CAMSAP1: variants seen among roughly 807,000 people sequenced by gnomAD.
CAMSAP1 encodes calmodulin-regulated spectrin-associated protein 1.
CAMSAP1 carries 58 observed loss-of-function variants against 143.5 expected under a neutral mutation model. The ratio of observed to expected loss-of-function variants is 0.40; its 90% confidence interval spans 0.33 to 0.50. CAMSAP1 has a LOEUF of 0.50. CAMSAP1 is among the 20% of genes least tolerant of loss of function. The pLI, the probability that CAMSAP1 is intolerant of heterozygous loss-of-function variation, is 0.45. For synonymous variants in CAMSAP1, 945 were observed against 859.3 expected, an observed-to-expected ratio of 1.10 and a Z score of -1.74; for missense variants, 1,969 against 2,115.7, an observed-to-expected ratio of 0.93 and a Z score of 1.36.
intron 3 of CAMSAP1, among the ~76,000 whole-genome samples, chr9:135,867,578 A>C (rs1025965657): frequency 6.2e-4 from 95 of 152,150 alleles, no homozygotes; most frequent in African/African-American, 2.2e-3. Flanking sequence ...GGAAAGTCGA[A>C]GCCACTAAAA....
chr9:135,817,797 G>A, intron 14 of CAMSAP1, 180 bp downstream of exon 14: 1 of 595,198 alleles, frequency 1.7e-6, no homozygotes, highest in Non-Finnish European at 3.0e-6. Flanking sequence ...AACCAGCTGG[G>A]GAGCCCGTGT....
At chr9:135,895,071 C>T (rs1323024956) in intron 1 of CAMSAP1, among the ~76,000 whole-genome samples, 1 of 152,140 alleles carries the variant, frequency 6.6e-6, no homozygotes, top group East Asian at 1.9e-4. Context: ...CAGGCAGAAA[C>T]TGCAATGGAG....
At chr9:135,835,716 C>A (rs1199041065) in intron 7 of CAMSAP1, among the ~76,000 whole-genome samples, 1 of 152,240 alleles carries the variant, frequency 6.6e-6, no homozygotes, top group African/African-American at 2.4e-5. Flanking sequence ...CGGTGGCTCA[C>A]GCCTGTAAGC....
At chr9:135,859,593 C>T (rs934099884) in intron 5 of CAMSAP1, among the ~76,000 whole-genome samples, 9 of 152,052 alleles carry the variant, frequency 5.9e-5, no homozygotes, top group Non-Finnish European at 1.2e-4. Flanking sequence ...GGGGTTTCAC[C>T]ATGTTAGCCA....
chr9:135,822,852 C>T lies in CAMSAP1; in HGVS notation c.1809G>A (p.Ala603=), dbSNP rs1353335145. Residue 603 remains alanine (A), a synonymous_variant, in exon 11 of 17, where the codon GCG becomes GCA. Coordinates refer to ENST00000389532, the MANE Select transcript of CAMSAP1 (RefSeq NM_015447.4). This position sits in a 1 kb window ranked among gnomAD's most constrained non-coding sequence, Gnocchi z 6.1. ...CCTTGGTGATCACCTGCTTCTCTTT[C>T]GCTGGCTTAAGAACTGCTGGCATCA... is the stretch of plus-strand genomic sequence containing the variant. ...EPLMPAVLKP[A]KEKQVITKED... is the part of the protein sequence containing the mutation. 8 of 1,613,824 alleles carry T rather than the reference C, an allele frequency of 5.0e-6. No homozygotes were observed. The highest frequency in any genetic ancestry group is 2.2e-5 in the East Asian group (1 of 44,896).
At chr9:135,871,095 G>A (rs1260222866) in intron 3 of CAMSAP1, among the ~76,000 whole-genome samples, 1 of 152,208 alleles carries the variant, frequency 6.6e-6, no homozygotes, top group Non-Finnish European at 1.5e-5. Context: ...TATTGTGACA[G>A]ATTAAATGCA....
intron 7 of CAMSAP1, chr9:135,836,722 C>T (rs533074063): frequency 2.6e-5 from 26 of 984,236 alleles, no homozygotes; most frequent in Non-Finnish European, 2.7e-5. Flanking sequence ...CACATCACCA[C>T]GCACTTTCTA....
intron 7 of CAMSAP1, among the ~76,000 whole-genome samples, chr9:135,835,196 A>C (rs774136683): frequency 4.6e-5 from 7 of 152,144 alleles, no homozygotes; most frequent in Non-Finnish European, 1.0e-4. Flanking sequence ...GAGAAGTACC[A>C]TAACTGCCAA....
In CAMSAP1 at chr9:135,866,523, A is replaced by AT; in HGVS notation, c.598dup (p.Met200AsnfsTer10). The AT allele has an allele frequency of 7.0e-7, 1 of 1,421,050 alleles. No individual in the cohort carries two copies. The highest frequency in any genetic ancestry group is 9.7e-7 in the Non-Finnish European group (1 of 1,028,348). The allele number at this position is 1,421,050 out of a possible 1,614,324, so 88.0% of individuals were successfully genotyped here. A position where few individuals can be genotyped will look rare whatever the true frequency, so the allele number is the denominator to read the frequency against. On this transcript the variant is annotated frameshift_variant, in exon 4 of 17. Transcript: ENST00000389532. LOFTEE classifies it high-confidence loss of function. ...AACTTCTTTCTCTGTTATCTCTCTC[A>AT]TTTTAAGATTTACCTAAAGTAGAAG...
Position 135,850,188 on chromosome 9 carries a change from T to A in CAMSAP1, c.994A>T (p.Asn332Tyr), listed in dbSNP as rs147376946. ...GGCTGAACAAAATCTGGCTTGACAT[T>A]CTCGAACCACCAAAAAAGCTCCGCA... ...FIAELFWWFE[N>Y]VKPDFVQPRD... Residue 332 changes from asparagine to tyrosine, a missense_variant, in exon 7 of 17, where the codon AAT becomes TAT. This residue lies in a region of CAMSAP1 where 221 missense variants were observed against 298.2 expected (regional missense o/e 0.74). Coordinates refer to ENST00000389532, the MANE Select transcript of CAMSAP1 (RefSeq NM_015447.4). The A allele has an allele frequency of 1.7e-4, 278 of 1,612,678 alleles. 2 individuals carry two copies. Among genetic ancestry groups the A allele is most frequent in the Middle Eastern group, 3.3e-4 (2 of 6,084 alleles).
At chr9:135,868,704 G>A (rs1174672079) in intron 3 of CAMSAP1, among the ~76,000 whole-genome samples, 2 of 137,390 alleles carry the variant, frequency 1.5e-5, no homozygotes, top group African/African-American at 2.7e-5. Flanking sequence ...TGCAAGCTCC[G>A]CCTCCCATGT....
intron 3 of CAMSAP1, among the ~76,000 whole-genome samples, chr9:135,879,066 T>C (rs1247204052): frequency 6.6e-6 from 1 of 152,088 alleles, no homozygotes; most frequent in Non-Finnish European, 1.5e-5. Flanking sequence ...TGTCCAAAGC[T>C]GTCAATGCAA....
intron 1 of CAMSAP1, among the ~76,000 whole-genome samples, chr9:135,890,825 G>A (rs1430253716): frequency 6.6e-6 from 1 of 152,228 alleles, no homozygotes; most frequent in Non-Finnish European, 1.5e-5. Context: ...AAGACATCAT[G>A]AGCAAAAGCC....
intron 3 of CAMSAP1, among the ~76,000 whole-genome samples, chr9:135,873,769 T>A (rs947774855): frequency 2.0e-5 from 3 of 152,152 alleles, no homozygotes; most frequent in African/African-American, 7.2e-5. Flanking sequence ...GAAATTAAAT[T>A]CATAATTAAA....
chr9:135,863,926 TG>T (rs1422349880), intron 4 of CAMSAP1, among the ~76,000 whole-genome samples: 1 of 152,050 alleles, frequency 6.6e-6, no homozygotes, highest in Non-Finnish European at 1.5e-5. Context: ...TAAAGATGGA[TG>T]GGGTGGGCTT....
At chr9:135,858,457 GAGCTCACACT>G (rs944306199) in intron 5 of CAMSAP1, among the ~76,000 whole-genome samples, 5 of 152,088 alleles carry the variant, frequency 3.3e-5, no homozygotes, top group Non-Finnish European at 5.9e-5. Flanking sequence ...TGCCCCTGTT[GAGCTCACACT>G]AGCAAGTCCC....
intron 5 of CAMSAP1, among the ~76,000 whole-genome samples, chr9:135,852,557 C>T (rs898214851): frequency 1.3e-5 from 2 of 152,142 alleles, no homozygotes; most frequent in South Asian, 2.1e-4. Flanking sequence ...ATGTCTATGC[C>T]GCCATGTTCT....
intron 5 of CAMSAP1, among the ~76,000 whole-genome samples, chr9:135,860,758 G>T (rs986318688): frequency 2.0e-5 from 3 of 152,064 alleles, no homozygotes; most frequent in Non-Finnish European, 4.4e-5. Flanking sequence ...TTTCACCCAT[G>T]TCTTGGTGCC....
At chr9:135,879,684 C>CA (rs1837872614) in intron 3 of CAMSAP1, among the ~76,000 whole-genome samples, 1 of 151,534 alleles carries the variant, frequency 6.6e-6, no homozygotes. Flanking sequence ...AACAAGCAAA[C>CA]AAAAAACAAA....
Sources: gnomAD v4.1 joint callset for allele counts (sites outside exome capture counted in the v4.1 genomes callset) on GRCh38, gnomAD v4.1.1 for gene constraint, gnomAD v4.1.1 regional missense constraint, Gnocchi (gnomAD v3.1) non-coding constraint, MANE v1.5 for transcripts, NCBI Gene and HGNC (gene_info 2026-07-23, HGNC 2026-07-21) for gene names.